The following GRIA2 variants were observed in gnomAD, a reference collection of about 807,000 sequenced individuals.
The protein encoded by GRIA2 is glutamate receptor 2.
In GRIA2, 14 loss-of-function variants were observed where a neutral mutation model predicts 97.3. The ratio of observed to expected loss-of-function variants is 0.14; its 90% confidence interval spans 0.10 to 0.23. The LOEUF is 0.23. Among genes scored for constraint, GRIA2 ranks in the 10% least tolerant of loss-of-function variants. The pLI is 1.00. For synonymous variants in GRIA2, 412 were observed against 387.8 expected (o/e 1.06, Z -0.73); for missense variants, 558 against 1,069.8 (o/e 0.52, Z 6.67).
intron 6 of GRIA2, among the ~76,000 whole-genome samples, chr4:157,325,300 T>C (rs1316595317): frequency 6.6e-6 from 1 of 152,202 alleles, no homozygotes; most frequent in Non-Finnish European, 1.5e-5. Flanking sequence ...TTTAAATTTC[T>C]TCATTCTTAC....
At chr4:157,344,902 A>G (rs1420359540) in intron 12 of GRIA2, among the ~76,000 whole-genome samples, 1 of 152,120 alleles carries the variant, frequency 6.6e-6, no homozygotes, top group Non-Finnish European at 1.5e-5. Context: ...CTAAAATAGA[A>G]TTCAGAATTT....
At chr4:157,322,893 T>C (rs1199307164) in intron 6 of GRIA2, among the ~76,000 whole-genome samples, 2 of 152,204 alleles carry the variant, frequency 1.3e-5, no homozygotes, top group East Asian at 3.9e-4. Flanking sequence ...GATTAGAAAT[T>C]TTGAAGTTCT....
chr4:157,234,933 T>C (rs1023435194), intron 2 of GRIA2, among the ~76,000 whole-genome samples: 1 of 152,098 alleles, frequency 6.6e-6, no homozygotes, highest in East Asian at 1.9e-4. Flanking sequence ...AATAAGGACT[T>C]CCTACATATG....
At chr4:157,262,266 G>A (rs773760617) in intron 2 of GRIA2, among the ~76,000 whole-genome samples, 1 of 151,984 alleles carries the variant, frequency 6.6e-6, no homozygotes, top group Non-Finnish European at 1.5e-5. Flanking sequence ...TCATATGGAA[G>A]TTTGGTGAAC....
chr4:157,224,945 C>T (rs546399473), intron 2 of GRIA2, among the ~76,000 whole-genome samples: 125 of 152,152 alleles, frequency 8.2e-4, no homozygotes, highest in Non-Finnish European at 1.4e-3. Context: ...GCTTGCTCTT[C>T]CAATCATAAA....
chr4:157,312,455 C>T (rs1048510733), intron 3 of GRIA2, among the ~76,000 whole-genome samples: 7 of 152,052 alleles, frequency 4.6e-5, no homozygotes, highest in African/African-American at 1.7e-4. Context: ...CAAATAATGA[C>T]TCCTTTGGTC....
chr4:157,270,312 AG>A (rs1731958797), intron 2 of GRIA2, among the ~76,000 whole-genome samples: 1 of 152,074 alleles, frequency 6.6e-6, no homozygotes, highest in Non-Finnish European at 1.5e-5. Context: ...ATTCACTTCA[AG>A]GTATTGGCTC....
chr4:157,242,083 TAG>T (rs1730535788), intron 2 of GRIA2, among the ~76,000 whole-genome samples: 1 of 152,100 alleles, frequency 6.6e-6, no homozygotes, highest in African/African-American at 2.4e-5. Flanking sequence ...ACTCTTTTGG[TAG>T]AGTCTTGTGT....
In GRIA2 at chr4:157,364,804, T is replaced by A. The variant is rs930915994; in HGVS notation, c.*1373T>A. 6.6e-6 allele frequency: 1 copy of A among 152,090 alleles called. No homozygotes were observed. The highest frequency in any genetic ancestry group is 1.5e-5 in the Non-Finnish European group (1 of 67,760). The allele number at this position is 152,090 out of a possible 1,614,324, so 9.4% of individuals were successfully genotyped here. On this transcript the variant is annotated 3_prime_UTR_variant, in exon 16 of 16. Transcript: ENST00000264426. Reference sequence around the variant, plus strand: ...TATAGTTTCATCCCATTGACATCAATTAAAAATAACCCTAATATATTATTT... The same window carrying A: ...TATAGTTTCATCCCATTGACATCAAATAAAAATAACCCTAATATATTATTT...
At chr4:157,313,097 C>T (rs1465463089) in intron 4 of GRIA2, among the ~76,000 whole-genome samples, 1 of 152,078 alleles carries the variant, frequency 6.6e-6, no homozygotes, top group Non-Finnish European at 1.5e-5. Flanking sequence ...TAAATAAATT[C>T]AATAAATAAT....
chr4:157,321,158 T>A (rs1468767692), intron 5 of GRIA2, among the ~76,000 whole-genome samples: 1 of 152,092 alleles, frequency 6.6e-6, no homozygotes, highest in Admixed American at 6.5e-5. Context: ...GATTTCTCAA[T>A]AGAGTGGAGA....
At chr4:157,344,168 T>A (rs1735668955) in intron 12 of GRIA2, among the ~76,000 whole-genome samples, 1 of 152,094 alleles carries the variant, frequency 6.6e-6, no homozygotes. Flanking sequence ...AAGACAAAAA[T>A]ATTTGATTTT....
Position 157,341,438 on chromosome 4 carries a change from T to C in GRIA2, c.2019T>C (p.Ser673=). The change falls in exon 12 of 16, where the codon TCT becomes TCC. Residue 673 remains serine, a synonymous_variant. Transcript: ENST00000264426. Reference sequence around the variant, plus strand: ...AAATTGCTTATGGAACATTAGACTCTGGCTCCACTAAAGAGTTTTTCAGGG... The same window carrying C: ...AAATTGCTTATGGAACATTAGACTCCGGCTCCACTAAAGAGTTTTTCAGGG... ...QTEIAYGTLD[S]GSTKEFFRRS... is the part of the protein sequence containing the mutation. The C allele has an allele frequency of 6.2e-7, 1 of 1,611,000 alleles. No homozygotes were observed. The highest frequency in any genetic ancestry group is 8.5e-7 in the Non-Finnish European group (1 of 1,177,288).
chr4:157,256,223 T>C (rs1350977836), intron 2 of GRIA2, among the ~76,000 whole-genome samples: 1 of 121,378 alleles, frequency 8.2e-6, no homozygotes, highest in African/African-American at 3.4e-5. Flanking sequence ...ATATATAATA[T>C]ATAATATATA....
rs114503372 is a variant in GRIA2, at chr4:157,260,511, C to G, written c.229+38704C>G. Among the ~76,000 whole-genome samples, 3 of 151,944 alleles carry G rather than the reference C, an allele frequency of 2.0e-5. No homozygotes were observed. In the East Asian group the frequency reaches 5.8e-4, roughly 29 times the overall value. ...AAGTCCCCAATCCTAGCACCATGAA[C>G]GAGGAAGTGAAGAAAAAGGTCACTC... On this transcript the variant is annotated intron_variant, in intron 2 of 15. Coordinates refer to ENST00000264426, the MANE Select transcript of GRIA2 (RefSeq NM_001083619.3).
At chr4:157,261,155 G>T (rs559762894) in intron 2 of GRIA2, among the ~76,000 whole-genome samples, 1 of 152,210 alleles carries the variant, frequency 6.6e-6, no homozygotes, top group African/African-American at 2.4e-5. Flanking sequence ...CGTGGCAAAG[G>T]TGAAGGACGA....
chr4:157,255,264 TAC>T (rs139422148), intron 2 of GRIA2, among the ~76,000 whole-genome samples: 1 of 151,280 alleles, frequency 6.6e-6, no homozygotes, highest in Non-Finnish European at 1.5e-5. Flanking sequence ...TATGGCTGAA[TAC>T]ACACACACAC....
chr4:157,236,206 T>C (rs1730238906), intron 2 of GRIA2, among the ~76,000 whole-genome samples: 1 of 152,036 alleles, frequency 6.6e-6, no homozygotes, highest in African/African-American at 2.4e-5. Context: ...CTTCTTGTGG[T>C]CTTTATATTT....
At chr4:157,257,118 A>C (rs1490590154) in intron 2 of GRIA2, among the ~76,000 whole-genome samples, 2 of 152,096 alleles carry the variant, frequency 1.3e-5, no homozygotes, top group Non-Finnish European at 2.9e-5. Flanking sequence ...AACCATGACA[A>C]GAAATTGTCA....
Sources: allele counts gnomAD v4.1 joint callset (sites outside exome capture counted in the v4.1 genomes callset), GRCh38; gene constraint gnomAD v4.1.1; transcripts MANE v1.5; gene names NCBI Gene and HGNC (gene_info 2026-07-23, HGNC 2026-07-21).